Variants in LRRC4C observed in about 807,000 individuals in gnomAD.
The protein encoded by LRRC4C is leucine rich repeat containing 4C.
Under a neutral mutation model 33.6 loss-of-function variants are expected in LRRC4C, and 5 were observed. The observed-to-expected ratio is 0.15, with a 90% CI of 0.08 to 0.31. The LOEUF is 0.31. Among genes scored for constraint, LRRC4C ranks in the 10% least tolerant of loss-of-function variants. The pLI, the probability that LRRC4C is intolerant of heterozygous loss-of-function variation, is 1.00. For missense variants in LRRC4C, 560 were observed against 796.7 expected, an observed-to-expected ratio of 0.70 and a Z score of 3.58; for synonymous variants, 329 against 302.0, an observed-to-expected ratio of 1.09 and a Z score of -0.93.
At position 41,360,663 on chromosome 11, in the gene LRRC4C, G is replaced by A. The variant is rs75378129; in HGVS notation, c.-496+98768C>T. Among the ~76,000 whole-genome samples, 638 of 152,168 alleles carry A rather than the reference G, an allele frequency of 4.2e-3. 3 individuals carry two copies. Among genetic ancestry groups the A allele is most frequent in the African/African-American group, 0.013 (552 of 41,522 alleles). ...ATGAGCAGGGTAGAATATTCCCCCA[G>A]AGAAAACAGCATGTGCAAAGAACAC... On this transcript the variant is annotated intron_variant, in intron 1 of 6. Coordinates refer to ENST00000528697, the MANE Select transcript of LRRC4C (RefSeq NM_001258419.2).
In LRRC4C at chr11:41,033,210, A is replaced by G. The variant is rs147399775; in HGVS notation, c.-495-99487T>C. ...AAAAAAATCCTGAAGTCATTTCAGA[A>G]TTTAGTTATAGTGAAACTGGTCTGA... On this transcript the variant is annotated intron_variant, in intron 1 of 6. Coordinates refer to ENST00000528697, the MANE Select transcript of LRRC4C (RefSeq NM_001258419.2). Among the ~76,000 whole-genome samples, 259 of 152,208 alleles carry G rather than the reference A, an allele frequency of 1.7e-3. 3 individuals are homozygous for G. Among genetic ancestry groups the G allele is most frequent in the Non-Finnish European group, 2.1e-4 (14 of 68,004 alleles).
intron 1 of LRRC4C, among the ~76,000 whole-genome samples, chr11:41,123,257 T>C (rs1408300571): frequency 4.6e-5 from 2 of 43,312 alleles, no homozygotes; most frequent in Non-Finnish European, 1.2e-4. Context: ...CTGAGCTATG[T>C]TTTGTTTTTT....
chr11:41,157,613 G>A (rs1326324080), intron 1 of LRRC4C, among the ~76,000 whole-genome samples: 1 of 152,036 alleles, frequency 6.6e-6, no homozygotes, highest in African/African-American at 2.4e-5. Context: ...AAAAATTTCT[G>A]TTTATCACAT....
intron 1 of LRRC4C, among the ~76,000 whole-genome samples, chr11:41,203,293 A>G (rs969671690): frequency 1.3e-5 from 2 of 152,112 alleles, no homozygotes; most frequent in Admixed American, 6.5e-5. Context: ...AATCTAGACC[A>G]TACTGAATAT....
intron 3 of LRRC4C, among the ~76,000 whole-genome samples, chr11:40,450,453 T>C (rs1951833096): frequency 6.6e-6 from 1 of 152,082 alleles, no homozygotes; most frequent in South Asian, 2.1e-4. Flanking sequence ...ATTTTTGATA[T>C]AAACAGTGGC....
chr11:40,254,836 T>A (rs2136208095), intron 4 of LRRC4C, among the ~76,000 whole-genome samples: 1 of 152,172 alleles, frequency 6.6e-6, no homozygotes, highest in East Asian at 1.9e-4. Context: ...AGGGACAGGA[T>A]CTCACTCTGT....
At chr11:40,464,787 C>A (rs1478026100) in intron 3 of LRRC4C, among the ~76,000 whole-genome samples, 1 of 151,632 alleles carries the variant, frequency 6.6e-6, no homozygotes, top group South Asian at 2.1e-4. Context: ...AGAAAAACTA[C>A]AAAACACTGA....
intron 3 of LRRC4C, among the ~76,000 whole-genome samples, chr11:40,396,394 G>C (rs1245545769): frequency 6.6e-6 from 1 of 151,648 alleles, no homozygotes; most frequent in Non-Finnish European, 1.5e-5. Flanking sequence ...CGCTCCTCTG[G>C]GGCATAATGT....
intron 1 of LRRC4C, among the ~76,000 whole-genome samples, chr11:41,436,084 A>T (rs1431540412): frequency 2.0e-5 from 3 of 152,128 alleles, no homozygotes; most frequent in Non-Finnish European, 2.9e-5. Context: ...GACGCCTGTA[A>T]TCCCAGCTAC....
intron 1 of LRRC4C, among the ~76,000 whole-genome samples, chr11:41,031,870 A>C (rs1856748330): frequency 6.6e-6 from 1 of 152,008 alleles, no homozygotes; most frequent in Admixed American, 6.6e-5. Context: ...CTGATTCTGG[A>C]TACATGCCAG....
intron 2 of LRRC4C, among the ~76,000 whole-genome samples, chr11:40,786,083 C>T (rs535989479): frequency 3.3e-5 from 5 of 152,060 alleles, no homozygotes; most frequent in Admixed American, 6.6e-5. Context: ...CTCATACGAA[C>T]GATGAAAGAC....
At chr11:40,706,868 A>T (rs1331970742) in intron 2 of LRRC4C, among the ~76,000 whole-genome samples, 1 of 152,066 alleles carries the variant, frequency 6.6e-6, no homozygotes, top group Non-Finnish European at 1.5e-5. Context: ...ATTTGTTTGT[A>T]ACCTCTCTTT....
intron 1 of LRRC4C, among the ~76,000 whole-genome samples, chr11:41,175,869 GTTCTCT>G (rs564823304): frequency 4.6e-5 from 7 of 152,130 alleles, no homozygotes; most frequent in African/African-American, 1.7e-4. Flanking sequence ...CATCCTACAT[GTTCTCT>G]TTCTGACTCG....
chr11:41,036,753 A>T (rs1383303624), intron 1 of LRRC4C, among the ~76,000 whole-genome samples: 1 of 152,220 alleles, frequency 6.6e-6, no homozygotes, highest in Non-Finnish European at 1.5e-5. Context: ...ATGATGTCAC[A>T]GTAGTTTGAA....
intron 5 of LRRC4C, among the ~76,000 whole-genome samples, chr11:40,178,683 C>A (rs1860722113): frequency 6.6e-6 from 1 of 152,204 alleles, no homozygotes; most frequent in Admixed American, 6.5e-5. Flanking sequence ...AGATCAGCTT[C>A]ATCCCATGGC....
At chr11:41,205,507 C>T (rs983573015) in intron 1 of LRRC4C, among the ~76,000 whole-genome samples, 2 of 152,218 alleles carry the variant, frequency 1.3e-5, no homozygotes, top group East Asian at 3.9e-4. Flanking sequence ...AATGAGTTAA[C>T]AAAGGCTACC....
intron 2 of LRRC4C, among the ~76,000 whole-genome samples, chr11:40,734,373 T>C (rs1255436709): frequency 1.3e-5 from 2 of 151,826 alleles, no homozygotes; most frequent in Non-Finnish European, 2.9e-5. Flanking sequence ...TTTACGGATA[T>C]TTTTCCTTCT....
intron 2 of LRRC4C, among the ~76,000 whole-genome samples, chr11:40,817,645 A>T (rs1478587220): frequency 2.0e-5 from 3 of 152,118 alleles, no homozygotes; most frequent in African/African-American, 7.2e-5. Context: ...GACAAACATC[A>T]TCCAGTAATT....
intron 1 of LRRC4C, among the ~76,000 whole-genome samples, chr11:41,170,174 A>G (rs891345057): frequency 3.3e-5 from 5 of 152,156 alleles, no homozygotes; most frequent in Non-Finnish European, 7.4e-5. Flanking sequence ...ATATTTTTAT[A>G]CTGCCCAAGG....
Sources: gnomAD v4.1 joint callset for allele counts (sites outside exome capture counted in the v4.1 genomes callset) on GRCh38, gnomAD v4.1.1 for gene constraint, MANE v1.5 for transcripts, NCBI Gene and HGNC (gene_info 2026-07-23, HGNC 2026-07-21) for gene names.